TCERG1: variants seen among roughly 807,000 people sequenced by gnomAD.
TCERG1 encodes the protein TATA box binding protein (TBP)-associated factor, RNA polymerase II, S, 150kD.
TCERG1 carries 37 observed loss-of-function variants against 144.7 expected under a neutral mutation model. The ratio of observed to expected loss-of-function variants is 0.26; its 90% CI spans 0.20 to 0.34. The LOEUF (loss-of-function observed/expected upper bound fraction) is 0.34, where lower values mean the gene tolerates loss of function less well. TCERG1 is among the 10% of genes least tolerant of loss of function. The pLI is 1.00. For synonymous variants in TCERG1, 492 were observed against 458.2 expected (o/e 1.07, Z -0.94); for missense variants, 1,027 against 1,380.7 (o/e 0.74, Z 4.06).
At chr5:146,475,314 G>A (rs1458399999) in intron 9 of TCERG1, among the ~76,000 whole-genome samples, 15 of 152,184 alleles carry the variant, frequency 9.9e-5, no homozygotes, top group Admixed American at 9.8e-4. Context: ...TTTTTGGCAA[G>A]CCTAGTTCAT....
At chr5:146,452,428 G>T (rs754855708) in intron 1 of TCERG1, among the ~76,000 whole-genome samples, 5 of 151,944 alleles carry the variant, frequency 3.3e-5, no homozygotes, top group Non-Finnish European at 7.4e-5. Context: ...AGGTAGTTTG[G>T]GTACTGTATC....
At chr5:146,464,500 A>AAG (rs1227482173) in intron 5 of TCERG1, among the ~76,000 whole-genome samples, 1 of 152,230 alleles carries the variant, frequency 6.6e-6, no homozygotes, top group South Asian at 2.1e-4. Context: ...ATATTGTCTT[A>AAG]AGAGAAGTCA....
intron 17 of TCERG1, among the ~76,000 whole-genome samples, chr5:146,501,363 A>AT (rs1767432567): frequency 1.3e-5 from 2 of 152,206 alleles, no homozygotes; most frequent in African/African-American, 4.8e-5. Flanking sequence ...TTAGTAAGCC[A>AT]TTTATAACCT....
In TCERG1 at chr5:146,509,008, AC is replaced by A. The variant is rs201166268; in HGVS notation, c.3046-134del. 2.6e-3 allele frequency: 1,274 copies of A among 499,332 alleles called. 17 individuals are homozygous for A. The highest frequency in any genetic ancestry group is 0.023 in the African/African-American group (1,173 of 50,906). 30.9% of individuals were successfully genotyped at this position (499,332 alleles called of 1,614,324 possible). On this transcript the variant is annotated intron_variant, in intron 21 of 22. Transcript: ENST00000679501. The stretch of plus-strand genomic sequence containing the variant: ...TGAATTTTATATATGAACAAAATGT[AC>A]CCTGTTGCCTTTTTCTTTTGAATTT...
intron 17 of TCERG1, among the ~76,000 whole-genome samples, chr5:146,502,389 C>A (rs1236225419): frequency 6.6e-6 from 1 of 152,072 alleles, no homozygotes; most frequent in East Asian, 1.9e-4. Flanking sequence ...GTTGAAATGA[C>A]CTTGGTTACC....
chr5:146,472,647 CCTAT>C (rs1764431815), intron 9 of TCERG1, among the ~76,000 whole-genome samples: 2 of 151,626 alleles, frequency 1.3e-5, no homozygotes, highest in Admixed American at 1.3e-4. Flanking sequence ...AATTAGTAGC[CCTAT>C]AATGCCCTCA....
chr5:146,476,768 A>T (rs1764881038), intron 9 of TCERG1, among the ~76,000 whole-genome samples: 1 of 151,982 alleles, frequency 6.6e-6, no homozygotes, highest in South Asian at 2.1e-4. Context: ...TTCAGATGAG[A>T]TAGTTAATTA....
chr5:146,460,409 A>T (rs1763238340), intron 4 of TCERG1, among the ~76,000 whole-genome samples: 2 of 136,246 alleles, frequency 1.5e-5, no homozygotes, highest in African/African-American at 5.2e-5. Flanking sequence ...ACTAAGCCCG[A>T]AAGTACTTAA....
intron 9 of TCERG1, among the ~76,000 whole-genome samples, chr5:146,472,964 T>C (rs1472282310): frequency 1.3e-5 from 2 of 152,032 alleles, no homozygotes. Context: ...CCGCCCACCT[T>C]GGCCTCCCAA....
intron 9 of TCERG1, among the ~76,000 whole-genome samples, chr5:146,474,479 TTGG>T (rs1174806849): frequency 6.6e-6 from 1 of 152,146 alleles, no homozygotes; most frequent in Non-Finnish European, 1.5e-5. Flanking sequence ...TTACATAAAC[TTGG>T]TGGATAAAGC....
chr5:146,471,966 T>C (rs1246167028), intron 9 of TCERG1, among the ~76,000 whole-genome samples: 1 of 152,216 alleles, frequency 6.6e-6, no homozygotes, highest in Non-Finnish European at 1.5e-5. Context: ...AAAAGTACTT[T>C]AAAAAGTGTA....
rs1768102067 is a variant in TCERG1, at chr5:146,507,385, ATTC to A, written c.2961+181_2961+183del. 10 of 591,428 alleles carry A rather than the reference ATTC, an allele frequency of 1.7e-5. No individual in the cohort carries two copies. The Admixed American group carries it at 2.6e-4, about 15-fold the overall frequency. The allele number at this position is 591,428 out of a possible 1,614,324, so 36.6% of individuals were successfully genotyped here. On this transcript the variant is annotated intron_variant, in intron 20 of 22. Transcript: ENST00000679501. The surrounding 1 kb of genome is among the most constrained non-coding windows in gnomAD (Gnocchi z 4.6). ...TATTCTTATTTATTTAGAAATGCCTATTCTTTGCAGTTTTCACATTCATAACTG... is the reference window on the plus strand; with the variant it reads ...TATTCTTATTTATTTAGAAATGCCTATTTGCAGTTTTCACATTCATAACTG...
At chr5:146,504,208 G>A in intron 19 of TCERG1, 1 of 415,500 alleles carries the variant, frequency 2.4e-6, no homozygotes, top group Non-Finnish European at 4.1e-6. Flanking sequence ...CAGAAGTTAG[G>A]CATTTTGCAT....
At chr5:146,495,350 G>A (rs1766792060) in intron 16 of TCERG1, among the ~76,000 whole-genome samples, 1 of 152,176 alleles carries the variant, frequency 6.6e-6, no homozygotes, top group African/African-American at 2.4e-5. Context: ...TCAAATTTGG[G>A]ATGCCCAACC....
At chr5:146,459,393 G>GGGACTA in intron 4 of TCERG1, 56 bp downstream of exon 4, 1 of 1,565,458 alleles carries the variant, frequency 6.4e-7, no homozygotes, top group Non-Finnish European at 8.7e-7. Flanking sequence ...GAACAAGTAG[G>GGGACTA]GGACTACATT....
chr5:146,470,524 T>C (rs1036085815), intron 7 of TCERG1, 112 bp from the exon 8 acceptor site: 3 of 850,514 alleles, frequency 3.5e-6, no homozygotes, highest in Non-Finnish European at 5.4e-6. Flanking sequence ...AAAGACATTT[T>C]ATCTTCATGG....
intron 1 of TCERG1, among the ~76,000 whole-genome samples, chr5:146,448,623 AT>A (rs1205394481): frequency 4.6e-5 from 7 of 152,226 alleles, no homozygotes; most frequent in Non-Finnish European, 7.3e-5. Flanking sequence ...GGAAATGGGT[AT>A]TGTTATTCAA....
intron 10 of TCERG1, 25 bp downstream of exon 10, chr5:146,478,678 C>A: frequency 6.5e-7 from 1 of 1,540,584 alleles, no homozygotes; most frequent in Non-Finnish European, 8.7e-7. Context: ...AGGAATTTAT[C>A]CACTGATTTT....
At chr5:146,463,820 T>C in intron 5 of TCERG1, 27 bp downstream of exon 5, 1 of 1,613,302 alleles carries the variant, frequency 6.2e-7, no homozygotes, top group South Asian at 1.1e-5. Flanking sequence ...TAATGGTCTT[T>C]CCAGCTATGT....
Sources: allele counts gnomAD v4.1 joint callset (sites outside exome capture counted in the v4.1 genomes callset), GRCh38; gene constraint gnomAD v4.1.1; non-coding constraint Gnocchi (gnomAD v3.1); transcripts MANE v1.5; gene names NCBI Gene and HGNC (gene_info 2026-07-23, HGNC 2026-07-21).